GJA1: variants seen among roughly 807,000 people sequenced by gnomAD.
GJA1 encodes the protein gap junction alpha-1 protein.
In GJA1, 9 loss-of-function variants were observed where a neutral mutation model predicts 31.0. That is an observed-to-expected ratio of 0.29 (90% CI 0.17 to 0.51). The LOEUF (loss-of-function observed/expected upper bound fraction) is 0.51. Ranked by LOEUF, GJA1 falls within the 20% of genes least tolerant of loss-of-function variation. The pLI is 0.98. For missense variants in GJA1, 278 were observed against 468.8 expected, an observed-to-expected ratio of 0.59 and a Z score of 3.76; for synonymous variants, 186 against 180.1, an observed-to-expected ratio of 1.03 and a Z score of -0.26.
At chr6:121,439,771 C>G (rs977937125) in intron 1 of GJA1, among the ~76,000 whole-genome samples, 3 of 152,224 alleles carry the variant, frequency 2.0e-5, no homozygotes, top group Non-Finnish European at 4.4e-5. Flanking sequence ...TTTATGTTGT[C>G]CTCCCCTCTG....
chr6:121,436,952 G>A (rs1773676610), intron 1 of GJA1, among the ~76,000 whole-genome samples: 1 of 152,224 alleles, frequency 6.6e-6, no homozygotes, highest in African/African-American at 2.4e-5. Context: ...GCCCGGTAAA[G>A]ATTTTCTGTT....
intron 1 of GJA1, among the ~76,000 whole-genome samples, chr6:121,436,321 CTTGA>C (rs1222666164): frequency 6.6e-6 from 1 of 151,958 alleles, no homozygotes; most frequent in African/African-American, 2.4e-5. Flanking sequence ...ATATGGAAAT[CTTGA>C]TTGATGTTCT....
At chr6:121,445,698 G>A (rs574343318) in intron 1 of GJA1, among the ~76,000 whole-genome samples, 2 of 152,284 alleles carry the variant, frequency 1.3e-5, no homozygotes, top group South Asian at 4.1e-4. Context: ...TTTACATGAA[G>A]TGTGATGTGT....
At position 121,442,400 on chromosome 6, in the gene GJA1, C is replaced by T. The variant is rs1476905596; in HGVS notation, c.-16-4432C>T. On this transcript the variant is annotated intron_variant, in intron 1 of 1. Transcript: ENST00000282561. ...TTAAGAGATCTCATTTGAATTAAAG[C>T]GTTTAAGTTCTTCTGCTCTCAGGGA... 4.6e-5 allele frequency among the ~76,000 whole-genome samples: 7 copies of T among 152,116 alleles called. No homozygotes were observed. The South Asian group carries it at 6.2e-4, about 14-fold the overall frequency.
At chr6:121,438,807 A>T (rs924692996) in intron 1 of GJA1, among the ~76,000 whole-genome samples, 1 of 151,974 alleles carries the variant, frequency 6.6e-6, no homozygotes, top group Non-Finnish European at 1.5e-5. Flanking sequence ...TAATGTATAT[A>T]TTTTTTAAAT....
intron 1 of GJA1, among the ~76,000 whole-genome samples, chr6:121,443,134 G>T (rs1461433282): frequency 6.6e-6 from 1 of 152,100 alleles, no homozygotes; most frequent in African/African-American, 2.4e-5. Context: ...TATTATAAGA[G>T]GGTATTAACT....
At chr6:121,435,938 A>G (rs55634623) in intron 1 of GJA1, 106 bp downstream of exon 1, 5 of 152,258 alleles carry the variant, frequency 3.3e-5, no homozygotes, top group Non-Finnish European at 7.4e-5. Context: ...GAATTATGAT[A>G]CTGTAAATGG....
At chr6:121,443,856 T>G (rs1212045691) in intron 1 of GJA1, among the ~76,000 whole-genome samples, 1 of 152,144 alleles carries the variant, frequency 6.6e-6, no homozygotes, top group Admixed American at 6.5e-5. Flanking sequence ...TACTTGATTG[T>G]TTTTGTTATT....
chr6:121,441,845 A>C (rs1019184111), intron 1 of GJA1, among the ~76,000 whole-genome samples: 6 of 152,190 alleles, frequency 3.9e-5, no homozygotes, highest in African/African-American at 9.6e-5. Context: ...GGCTGTTTTA[A>C]GTGCGGAGGA....
In GJA1 at chr6:121,447,522, C is replaced by T; in HGVS notation, c.675C>T (p.Ile225=). The T allele has an allele frequency of 8.7e-6, 14 of 1,613,732 alleles. No homozygotes were observed. Among genetic ancestry groups the T allele is most frequent in the South Asian group, 1.1e-5 (1 of 91,064 alleles). The change falls in exon 2 of 2, where the codon ATC becomes ATT. Residue 225 remains isoleucine, a synonymous_variant. Coordinates refer to ENST00000282561, the MANE Select transcript of GJA1 (RefSeq NM_000165.5). The stretch of plus-strand genomic sequence containing the variant: ...CCTTGGTGTCCCTGGCCTTGAATAT[C>T]ATTGAACTCTTCTATGTTTTCTTCA... ...VVSLVSLALN[I]IELFYVFFKG...
At chr6:121,440,612 T>A (rs1773756222) in intron 1 of GJA1, among the ~76,000 whole-genome samples, 1 of 151,628 alleles carries the variant, frequency 6.6e-6, no homozygotes, top group African/African-American at 2.4e-5. Flanking sequence ...TAACTACAAT[T>A]AAGAGAATCC....
At chr6:121,438,462 A>G (rs975780052) in intron 1 of GJA1, among the ~76,000 whole-genome samples, 2 of 152,210 alleles carry the variant, frequency 1.3e-5, no homozygotes, top group South Asian at 2.1e-4. Flanking sequence ...CAATTCCTGC[A>G]TAGAGAAGGA....
At chr6:121,441,242 G>A (rs575542081) in intron 1 of GJA1, among the ~76,000 whole-genome samples, 7 of 151,844 alleles carry the variant, frequency 4.6e-5, no homozygotes, top group Middle Eastern at 6.8e-3. Context: ...TTAAGCCACC[G>A]CACCCGGTCT....
At chr6:121,443,934 A>C (rs986571270) in intron 1 of GJA1, among the ~76,000 whole-genome samples, 14 of 152,374 alleles carry the variant, frequency 9.2e-5, no homozygotes, top group Non-Finnish European at 1.0e-4. Context: ...AATTTTTTAC[A>C]AACAGAATTA....
At chr6:121,436,510 G>A (rs1234281372) in intron 1 of GJA1, among the ~76,000 whole-genome samples, 1 of 152,132 alleles carries the variant, frequency 6.6e-6, no homozygotes, top group Non-Finnish European at 1.5e-5. Flanking sequence ...CTTTGTGTTA[G>A]CAACCGCTAT....
At chr6:121,439,420 A>C (rs573619541) in intron 1 of GJA1, among the ~76,000 whole-genome samples, 2 of 152,232 alleles carry the variant, frequency 1.3e-5, no homozygotes, top group East Asian at 3.9e-4. Context: ...AAAATAGTCA[A>C]TTTGGAGGTG....
At chr6:121,442,213 T>A (rs1164296426) in intron 1 of GJA1, among the ~76,000 whole-genome samples, 1 of 152,210 alleles carries the variant, frequency 6.6e-6, no homozygotes, top group Non-Finnish European at 1.5e-5. Flanking sequence ...CTCAACTCAT[T>A]ACATTTGTCT....
At chr6:121,446,345 G>A (rs980076659) in intron 1 of GJA1, among the ~76,000 whole-genome samples, 1 of 152,116 alleles carries the variant, frequency 6.6e-6, no homozygotes, top group Non-Finnish European at 1.5e-5. Flanking sequence ...ATATATAATA[G>A]CATTAAGGTT....
chr6:121,448,886 AAC>A lies in GJA1; in HGVS notation c.*894_*895del, dbSNP rs1262403362. 2.4e-5 allele frequency: 4 copies of A among 167,010 alleles called. No homozygotes were observed. The highest frequency in any genetic ancestry group is 4.8e-5 in the African/African-American group (2 of 41,470). The allele number at this position is 167,010 out of a possible 1,614,324, so 10.3% of individuals were successfully genotyped here. Reference sequence around the variant, plus strand: ...CAAGCAGATACAGTATAAACTCACAAACACAGATTTGAAAATAATGCACATAT... The same window carrying A: ...CAAGCAGATACAGTATAAACTCACAAACAGATTTGAAAATAATGCACATAT... On this transcript the variant is annotated 3_prime_UTR_variant, in exon 2 of 2. Coordinates refer to ENST00000282561, the MANE Select transcript of GJA1 (RefSeq NM_000165.5).
Sources: allele counts gnomAD v4.1 joint callset (sites outside exome capture counted in the v4.1 genomes callset), GRCh38; gene constraint gnomAD v4.1.1; transcripts MANE v1.5; gene names NCBI Gene and HGNC (gene_info 2026-07-23, HGNC 2026-07-21).